Variants in PRELID2 observed in about 807,000 individuals in gnomAD.
The protein encoded by PRELID2 is PRELI domain containing 2.
In PRELID2, 25 loss-of-function variants were observed where a neutral mutation model predicts 28.4. The observed-to-expected ratio is 0.88, with a 90% CI of 0.64 to 1.23. The LOEUF (loss-of-function observed/expected upper bound fraction) is 1.23. Ranked by LOEUF, PRELID2 falls within the 50% of genes most tolerant of loss-of-function variation. The pLI, the probability that PRELID2 is intolerant of heterozygous loss-of-function variation, is 0.00. For missense variants in PRELID2, 201 were observed against 214.4 expected (o/e 0.94, Z 0.39); for synonymous variants, 76 against 71.6 (o/e 1.06, Z -0.31).
At chr5:145,645,529 T>A (rs1026925302) in intron 1 of PRELID2, among the ~76,000 whole-genome samples, 4 of 151,982 alleles carry the variant, frequency 2.6e-5, no homozygotes, top group Non-Finnish European at 5.9e-5. Flanking sequence ...TTTAGCCCAT[T>A]TACATTTAAG....
At chr5:145,681,889 C>T (rs1212449053) in intron 1 of PRELID2, among the ~76,000 whole-genome samples, 1 of 152,148 alleles carries the variant, frequency 6.6e-6, no homozygotes, top group Non-Finnish European at 1.5e-5. Context: ...AAAAATTATA[C>T]CTGCTCATGC....
chr5:145,832,785 ACACACAC>A (rs1755687433), intron 1 of PRELID2, among the ~76,000 whole-genome samples: 3 of 151,766 alleles, frequency 2.0e-5, no homozygotes, highest in African/African-American at 7.3e-5. Context: ...ACACCACACC[ACACACAC>A]CACACCACAC....
At chr5:145,809,178 A>G (rs1174025057) in intron 4 of PRELID2, among the ~76,000 whole-genome samples, 1 of 151,788 alleles carries the variant, frequency 6.6e-6, no homozygotes, top group Non-Finnish European at 1.5e-5. Context: ...AGTAGTTACG[A>G]CCACAGGCAC....
chr5:145,321,078 G>T, the PRELID2 span, among the ~76,000 whole-genome samples: 3 of 152,232 alleles, frequency 2.0e-5, no homozygotes, highest in South Asian at 6.2e-4. Context: ...GAATTGAAAT[G>T]AAAAACAAGG....
At chr5:145,382,104 A>G in the PRELID2 span, among the ~76,000 whole-genome samples, 1 of 152,012 alleles carries the variant, frequency 6.6e-6, no homozygotes, top group Non-Finnish European at 1.5e-5. Flanking sequence ...CTAACACTTA[A>G]AAACTATACC....
the PRELID2 span, among the ~76,000 whole-genome samples, chr5:145,297,315 T>C: frequency 6.6e-6 from 1 of 152,182 alleles, no homozygotes; most frequent in Non-Finnish European, 1.5e-5. Context: ...CTAGGGTTTT[T>C]ATGGTTTTAG....
the PRELID2 span, among the ~76,000 whole-genome samples, chr5:145,412,080 G>A: frequency 6.6e-6 from 1 of 152,156 alleles, no homozygotes; most frequent in Non-Finnish European, 1.5e-5. Context: ...CCAGGACTAT[G>A]ATGGGAGGGG....
At chr5:145,828,276 T>C (rs995508628) in intron 1 of PRELID2, among the ~76,000 whole-genome samples, 1 of 152,202 alleles carries the variant, frequency 6.6e-6, no homozygotes, top group African/African-American at 2.4e-5. Flanking sequence ...CCTAGCACTG[T>C]GCAAGTAGAA....
intron 1 of PRELID2, among the ~76,000 whole-genome samples, chr5:145,645,000 G>T (rs1368350726): frequency 1.3e-5 from 2 of 152,152 alleles, no homozygotes; most frequent in Non-Finnish European, 2.9e-5. Context: ...TGTTGATTTG[G>T]GGTGAAGAGT....
chr5:145,294,907 G>T, the PRELID2 span, among the ~76,000 whole-genome samples: 1 of 152,120 alleles, frequency 6.6e-6, no homozygotes. Context: ...TGAAAGATTT[G>T]TTGAGAAGGT....
chr5:145,527,031 T>C (rs921066213), intron 1 of PRELID2, among the ~76,000 whole-genome samples: 1 of 152,158 alleles, frequency 6.6e-6, no homozygotes, highest in Non-Finnish European at 1.5e-5. Flanking sequence ...GCTACGATAA[T>C]GAGAGAATTA....
intron 5 of PRELID2, among the ~76,000 whole-genome samples, chr5:145,790,810 T>G (rs890187206): frequency 2.8e-5 from 4 of 143,298 alleles, no homozygotes; most frequent in Non-Finnish European, 4.5e-5. Context: ...AAATAAAAAA[T>G]TAACTTAAAA....
At chr5:145,628,129 G>C (rs1333539548) in intron 1 of PRELID2, among the ~76,000 whole-genome samples, 1 of 151,916 alleles carries the variant, frequency 6.6e-6, no homozygotes, top group Non-Finnish European at 1.5e-5. Context: ...CTGTCTAATT[G>C]CCCAAAATAT....
intron 5 of PRELID2, among the ~76,000 whole-genome samples, chr5:145,788,638 A>G (rs988539098): frequency 2.6e-5 from 4 of 152,262 alleles, no homozygotes; most frequent in Admixed American, 2.0e-4. Context: ...CTTCTATTCA[A>G]TATAATACTG....
the PRELID2 span, among the ~76,000 whole-genome samples, chr5:145,382,341 T>C: frequency 6.6e-6 from 1 of 151,904 alleles, no homozygotes; most frequent in African/African-American, 2.4e-5. Context: ...AGAACAAAAA[T>C]AGTTAATCAA....
the PRELID2 span, among the ~76,000 whole-genome samples, chr5:145,458,445 C>T: frequency 3.3e-5 from 5 of 152,032 alleles, no homozygotes; most frequent in Non-Finnish European, 7.4e-5. Context: ...AGTAAAATTC[C>T]AATTTCGTTA....
chr5:145,586,147 G>A (rs116421900), intron 1 of PRELID2, among the ~76,000 whole-genome samples: 2,291 of 152,188 alleles, frequency 0.015, 63 homozygotes, highest in African/African-American at 0.051. Flanking sequence ...CAGAAGGGCA[G>A]ACAGAAGCCA....
chr5:145,834,344 GA>G (rs60671090), intron 1 of PRELID2, among the ~76,000 whole-genome samples: 10,942 of 152,164 alleles, frequency 0.072, 1,290 homozygotes, highest in African/African-American at 0.25. Flanking sequence ...TTTTGTTCCT[GA>G]CCAGCTGCCT....
intron 1 of PRELID2, among the ~76,000 whole-genome samples, chr5:145,715,145 A>G (rs1755807918): frequency 6.6e-6 from 1 of 152,152 alleles, no homozygotes; most frequent in Non-Finnish European, 1.5e-5. Context: ...TCTGATAGAA[A>G]TGTTTGCTTT....
Sources: allele counts gnomAD v4.1 joint callset (sites outside exome capture counted in the v4.1 genomes callset), GRCh38; gene constraint gnomAD v4.1.1; transcripts MANE v1.5; gene names NCBI Gene and HGNC (gene_info 2026-07-23, HGNC 2026-07-21).